The following XG variants were observed in gnomAD, a reference collection of about 807,000 sequenced individuals.
XG encodes the protein glycoprotein Xg.
Under a neutral mutation model 25.7 loss-of-function variants are expected in XG, and 24 were observed. The observed-to-expected ratio is 0.93, with a 90% confidence interval of 0.68 to 1.31. The LOEUF (loss-of-function observed/expected upper bound fraction) is 1.31, where lower values mean the gene tolerates loss of function less well. Ranked by LOEUF, XG falls within the 40% of genes most tolerant of loss-of-function variation. The probability of loss-of-function intolerance (pLI) is 0.00; values close to 1 mark genes in which losing one functional copy is unlikely to be tolerated. For missense variants in XG, 181 were observed against 187.6 expected (o/e 0.96, Z 0.21); for synonymous variants, 77 against 69.2 (o/e 1.11, Z -0.56).
chrX:2,757,449 G>A (rs777299881), intron 1 of XG, among the ~76,000 whole-genome samples: 218 of 151,592 alleles, frequency 1.4e-3, no homozygotes, highest in African/African-American at 4.6e-3. Flanking sequence ...CCTCCTGTCC[G>A]TATCAACATG....
At chrX:2,794,680 A>G (rs966960326) in intron 6 of XG, 77 bp downstream of exon 6, 86 of 1,092,767 alleles carry the variant, frequency 7.9e-5, no homozygotes, top group Non-Finnish European at 1.0e-4. Flanking sequence ...GAAGTTGGGG[A>G]TGAGAGAGCT....
At chrX:2,796,240 A>G (rs1207888019) in intron 6 of XG, among the ~76,000 whole-genome samples, 2 of 106,516 alleles carry the variant, frequency 1.9e-5, no homozygotes, top group Non-Finnish European at 3.8e-5. Flanking sequence ...TCTATACATA[A>G]CCTTTATATA....
intron 4 of XG, among the ~76,000 whole-genome samples, chrX:2,784,825 A>G (rs1463802053): frequency 8.9e-6 from 1 of 112,213 alleles, no homozygotes; most frequent in Admixed American, 9.5e-5. Flanking sequence ...TTGTGCTTAA[A>G]TCCAGCCACA....
At position 2,814,580 on chromosome X, in the gene XG, A is replaced by T; in HGVS notation, c.*200A>T. 1 of 451,212 alleles carries T rather than the reference A, an allele frequency of 2.2e-6. No individual in the cohort carries two copies. Among genetic ancestry groups the T allele is most frequent in the Non-Finnish European group, 3.5e-6 (1 of 284,290 alleles). The allele number at this position is 451,212 out of a possible 1,213,427, so 37.2% of individuals were successfully genotyped here. On this transcript the variant is annotated 3_prime_UTR_variant, in exon 11 of 11. Transcript: ENST00000644266. The stretch of plus-strand genomic sequence containing the variant: ...ATGTGGTTATAAAGATAAGTTAGGC[A>T]GCTAGACCCTGCGTTCTAAAAAAGG...
chrX:2,756,967 G>C (rs1390088025), intron 1 of XG, among the ~76,000 whole-genome samples: 1 of 152,098 alleles, frequency 6.6e-6, no homozygotes, highest in Non-Finnish European at 1.5e-5. Context: ...CTTGGTACCC[G>C]GGTTCTTGTC....
chrX:2,798,248 C>T (rs1252576916), intron 7 of XG, among the ~76,000 whole-genome samples: 1 of 111,069 alleles, frequency 9.0e-6, no homozygotes, highest in East Asian at 2.8e-4. Context: ...AATGTCATCA[C>T]TGAGAAAGAA....
intron 3 of XG, among the ~76,000 whole-genome samples, chrX:2,780,710 T>G (rs1378769370): frequency 7.2e-6 from 1 of 138,348 alleles, no homozygotes; most frequent in Non-Finnish European, 1.6e-5. Context: ...AGACCAAGAC[T>G]CTGTCTCAAA....
rs1427389237 is a variant in XG at position 2,789,405 on chromosome X, T to C, written c.191-239T>C. On this transcript the variant is annotated intron_variant, in intron 4 of 10. Coordinates refer to ENST00000644266, the MANE Select transcript of XG (RefSeq NM_001141919.2). Reference sequence around the variant, plus strand: ...ACAGGGAAAGGTCAACAACGCACTTTCTGCCCTGTTAATTTCAGAGAGCCC... The same window carrying C: ...ACAGGGAAAGGTCAACAACGCACTTCCTGCCCTGTTAATTTCAGAGAGCCC... Among the ~76,000 whole-genome samples the C allele has an allele frequency of 4.4e-5, 5 of 112,390 alleles. No homozygotes were observed. In the Admixed American group the frequency reaches 4.7e-4, roughly 11 times the overall value.
chrX:2,798,731 C>T (rs1346615614), intron 7 of XG, among the ~76,000 whole-genome samples: 3 of 110,897 alleles, frequency 2.7e-5, no homozygotes, highest in Non-Finnish European at 5.7e-5. Flanking sequence ...GTCTTGAACT[C>T]CTGACCTCAG....
At chrX:2,752,879 C>T (rs1324835088) in intron 1 of XG, 1 of 975,844 alleles carries the variant, frequency 1.0e-6, no homozygotes, top group East Asian at 1.1e-4. Flanking sequence ...ACATCAAAAA[C>T]TTCGATATAA....
intron 7 of XG, among the ~76,000 whole-genome samples, chrX:2,803,211 G>T (rs1186508579): frequency 9.0e-6 from 1 of 111,236 alleles, no homozygotes; most frequent in African/African-American, 3.3e-5. Flanking sequence ...GAGTGCAGTG[G>T]TGCAATCATA....
intron 6 of XG, among the ~76,000 whole-genome samples, chrX:2,795,357 C>A (rs1206330871): frequency 1.9e-5 from 2 of 105,801 alleles, no homozygotes; most frequent in Admixed American, 1.0e-4. Context: ...AAATATATAT[C>A]TTTACATATA....
chrX:2,755,187 C>T (rs748327406), intron 1 of XG, among the ~76,000 whole-genome samples: 8 of 152,280 alleles, frequency 5.3e-5, no homozygotes, highest in Admixed American at 5.2e-4. Context: ...CAGGGCTAGT[C>T]TGTAAACTGA....
intron 7 of XG, among the ~76,000 whole-genome samples, chrX:2,799,745 GAACCA>G (rs761275407): frequency 9.0e-6 from 1 of 111,329 alleles, no homozygotes; most frequent in Non-Finnish European, 1.9e-5. Flanking sequence ...TTTTATTTAG[GAACCA>G]AAAGGGGGAG....
At chrX:2,760,088 TTGCAGTGAGCTGAGATTGTGCCATTGCAC>T (rs1448648524) in intron 1 of XG, among the ~76,000 whole-genome samples, 2 of 151,678 alleles carry the variant, frequency 1.3e-5, no homozygotes, top group East Asian at 2.0e-4. Context: ...GAGGCAGAGG[TTGCAGTGAGCTGAGATTGTGCCATTGCAC>T]TGCAGTGAGC....
chrX:2,764,129 C>G (rs1389101232), intron 1 of XG, among the ~76,000 whole-genome samples: 1 of 152,142 alleles, frequency 6.6e-6, no homozygotes, highest in Non-Finnish European at 1.5e-5. Flanking sequence ...TCGGGTGGTC[C>G]TCACTTGTGT....
At position 2,752,043 on chromosome X, in the gene XG, C is replaced by G; in HGVS notation, c.-232C>G. ...GCCCGGGGAGGCTGGCTCCGACACA[C>G]GACTGAGTGTGCCTACACTGGTCCC... On this transcript the variant is annotated 5_prime_UTR_variant, in exon 1 of 11. Coordinates refer to ENST00000644266, the MANE Select transcript of XG (RefSeq NM_001141919.2). The G allele has an allele frequency of 1.7e-6, 1 of 591,624 alleles. No individual in the cohort carries two copies. Among genetic ancestry groups the G allele is most frequent in the Non-Finnish European group, 2.9e-6 (1 of 350,088 alleles). The allele number at this position is 591,624 out of a possible 1,614,324, so 36.6% of individuals were successfully genotyped here. A position where few individuals can be genotyped will look rare whatever the true frequency, so the allele number is the denominator to read the frequency against.
At chrX:2,758,651 C>T (rs1246179761) in intron 1 of XG, among the ~76,000 whole-genome samples, 1 of 152,220 alleles carries the variant, frequency 6.6e-6, no homozygotes, top group Non-Finnish European at 1.5e-5. Context: ...TATCTTGAGG[C>T]TTTGCGTTGC....
Position 2,779,994 on chromosome X carries a change from G to A in XG, c.128-2072G>A, listed in dbSNP as rs769992371. Among the ~76,000 whole-genome samples the A allele has an allele frequency of 4.6e-5, 7 of 152,132 alleles. No homozygotes were observed. The South Asian group carries it at 6.2e-4, about 14-fold the overall frequency. On this transcript the variant is annotated intron_variant, in intron 3 of 10. Coordinates refer to ENST00000644266, the MANE Select transcript of XG (RefSeq NM_001141919.2). ...CTAGGTTACTCATAACTCCTGATAC[G>A]CTGTAAATGCTATGCAAATAGTTGT...
Sources: allele counts gnomAD v4.1 joint callset (sites outside exome capture counted in the v4.1 genomes callset), GRCh38; gene constraint gnomAD v4.1.1; transcripts MANE v1.5; gene names NCBI Gene and HGNC (gene_info 2026-07-23, HGNC 2026-07-21).